The following CCDC138 variants were observed in gnomAD, a reference collection of about 807,000 sequenced individuals.
CCDC138 encodes the protein coiled-coil domain containing 138.
CCDC138 carries 66 observed loss-of-function variants against 82.3 expected under a neutral mutation model. That is an observed-to-expected ratio of 0.80 (90% CI 0.66 to 0.98). CCDC138 has a LOEUF of 0.98. Ranked by LOEUF, CCDC138 falls within the 50% of genes least tolerant of loss-of-function variation. The pLI, the probability that CCDC138 is intolerant of heterozygous loss-of-function variation, is 0.00. For synonymous variants in CCDC138, 297 were observed against 265.4 expected (o/e 1.12, Z -1.16); for missense variants, 816 against 758.9 (o/e 1.08, Z -0.88).
chr2:108,843,873 TGTG>T (rs1558717050), intron 11 of CCDC138, among the ~76,000 whole-genome samples: 890 of 36,782 alleles, frequency 0.024, 13 homozygotes, highest in Middle Eastern at 0.17. Flanking sequence ...TGTGTGTGTG[TGTG>T]TGTTTCTTTC....
At chr2:108,793,830 C>T (rs1223969845) in intron 4 of CCDC138, among the ~76,000 whole-genome samples, 1 of 151,892 alleles carries the variant, frequency 6.6e-6, no homozygotes, top group Non-Finnish European at 1.5e-5. Flanking sequence ...TCTCAATCTC[C>T]TGACCTCATG....
chr2:108,809,306 T>C lies in CCDC138; in HGVS notation c.856-3325T>C, dbSNP rs530057285. 6.6e-5 allele frequency among the ~76,000 whole-genome samples: 10 copies of C among 152,308 alleles called. No individual in the cohort carries two copies. In the East Asian group the frequency reaches 1.7e-3, roughly 26 times the overall value. ...ATCGCTTTCGCTTATTTGGGGTCTTTCATGATTTCATACACAGTTTAGAAT... is the reference window on the plus strand; with the variant it reads ...ATCGCTTTCGCTTATTTGGGGTCTTCCATGATTTCATACACAGTTTAGAAT... On this transcript the variant is annotated intron_variant, in intron 7 of 14. Coordinates refer to ENST00000295124, the MANE Select transcript of CCDC138 (RefSeq NM_144978.3).
In CCDC138 at chr2:108,789,154, A is replaced by G. The variant is rs186535179; in HGVS notation, c.266+188A>G. Among the ~76,000 whole-genome samples the G allele has an allele frequency of 2.6e-5, 4 of 152,384 alleles. No homozygotes were observed. The East Asian group carries it at 7.7e-4, about 29-fold the overall frequency. ...AATTTTTACTGAGAATCTCTGTAATAAAAGCATAGACCTAGCATTATATTT... is the reference window on the plus strand; with the variant it reads ...AATTTTTACTGAGAATCTCTGTAATGAAAGCATAGACCTAGCATTATATTT... On this transcript the variant is annotated intron_variant, in intron 3 of 14. Transcript: ENST00000295124.
chr2:108,866,141 AG>A (rs1694379763), intron 13 of CCDC138, among the ~76,000 whole-genome samples: 1 of 152,190 alleles, frequency 6.6e-6, no homozygotes, highest in Non-Finnish European at 1.5e-5. Flanking sequence ...TTTCACAGAA[AG>A]GGAATTTGGC....
chr2:108,799,363 G>T (rs1681508279), intron 6 of CCDC138, among the ~76,000 whole-genome samples: 1 of 151,988 alleles, frequency 6.6e-6, no homozygotes, highest in African/African-American at 2.4e-5. Flanking sequence ...TATGAGTTTT[G>T]AAAAATGCAT....
At chr2:108,877,582 C>T (rs995388278), downstream of CCDC138, among the ~76,000 whole-genome samples, 18 of 126,784 alleles carry the variant, frequency 1.4e-4, no homozygotes, top group African/African-American at 3.9e-4. Flanking sequence ...AAAGGTGTCT[C>T]GGAACTCAGA....
At chr2:108,788,742 A>T (rs1441220010) in intron 2 of CCDC138, 110 bp from the exon 3 acceptor site, 12 of 1,442,860 alleles carry the variant, frequency 8.3e-6, no homozygotes, top group East Asian at 7.6e-5. Context: ...AGAAAAAAAA[A>T]TTTGAGAGAG....
intron 12 of CCDC138, among the ~76,000 whole-genome samples, chr2:108,853,539 T>C (rs1433989286): frequency 6.6e-6 from 1 of 151,156 alleles, no homozygotes; most frequent in African/African-American, 2.4e-5. Flanking sequence ...TTTTTTTTTT[T>C]TTTGAGAGAT....
At chr2:108,841,208 G>A (rs979736453) in intron 11 of CCDC138, among the ~76,000 whole-genome samples, 5 of 152,112 alleles carry the variant, frequency 3.3e-5, no homozygotes, top group Non-Finnish European at 7.4e-5. Context: ...TATTGTTGAG[G>A]TTGTTTTATG....
chr2:108,817,111 A>T (rs1684928581), intron 10 of CCDC138, among the ~76,000 whole-genome samples: 2 of 152,186 alleles, frequency 1.3e-5, no homozygotes, highest in Admixed American at 1.3e-4. Flanking sequence ...AAAGGGAATT[A>T]AAGTTGTTAA....
chr2:108,848,367 A>G (rs1281733238), intron 12 of CCDC138, among the ~76,000 whole-genome samples: 3 of 152,170 alleles, frequency 2.0e-5, no homozygotes, highest in Non-Finnish European at 4.4e-5. Flanking sequence ...ATGAAGTATG[A>G]ATATTGGGAA....
intron 9 of CCDC138, among the ~76,000 whole-genome samples, chr2:108,814,418 A>G (rs1301439872): frequency 6.6e-6 from 1 of 152,122 alleles, no homozygotes; most frequent in African/African-American, 2.4e-5. Context: ...AAAGGTACAG[A>G]CTTTATATTC....
chr2:108,836,844 C>T (rs747340283), intron 10 of CCDC138, among the ~76,000 whole-genome samples: 13 of 151,646 alleles, frequency 8.6e-5, no homozygotes, highest in Non-Finnish European at 1.2e-4. Flanking sequence ...GAACTGTTTT[C>T]CTAATTTCCT....
At chr2:108,883,354 T>G (rs963768742) in intron 2 of CCDC138, 1 of 152,256 alleles carries the variant, frequency 6.6e-6, no homozygotes. Flanking sequence ...TGTGCACTAT[T>G]TACTGAGCAC....
chr2:108,853,020 A>T (rs904745318), intron 12 of CCDC138, among the ~76,000 whole-genome samples: 1 of 152,236 alleles, frequency 6.6e-6, no homozygotes, highest in Admixed American at 6.5e-5. Flanking sequence ...GCTCACAAAC[A>T]TCACCAAAAT....
At chr2:108,873,705 C>T (rs1490730354) in intron 14 of CCDC138, 116 bp downstream of exon 14, 2 of 632,216 alleles carry the variant, frequency 3.2e-6, no homozygotes, top group Non-Finnish European at 2.6e-6. Flanking sequence ...GAAGAATTGC[C>T]TTGTGCCACA....
chr2:108,854,243 T>C (rs1692252278), intron 12 of CCDC138, among the ~76,000 whole-genome samples: 1 of 150,658 alleles, frequency 6.6e-6, no homozygotes, highest in African/African-American at 2.4e-5. Context: ...TCTAGAGAAA[T>C]GTAGGGAATT....
At chr2:108,870,285 G>A (rs1215886094) in intron 13 of CCDC138, among the ~76,000 whole-genome samples, 5 of 152,094 alleles carry the variant, frequency 3.3e-5, no homozygotes, top group Non-Finnish European at 7.4e-5. Flanking sequence ...TGAACTTGAA[G>A]GCAAGTTATT....
chr2:108,812,661 A>G lies in CCDC138; in HGVS notation c.886A>G (p.Ile296Val), dbSNP rs201961285. The G allele has an allele frequency of 4.1e-5, 66 of 1,613,064 alleles. No individual in the cohort carries two copies. Among genetic ancestry groups the G allele is most frequent in the Non-Finnish European group, 1.1e-5 (13 of 1,179,230 alleles). The change falls in exon 8 of 15, where the codon ATA (isoleucine) becomes GTA (valine). Residue 296 changes from isoleucine (I) to valine (V), a missense_variant. Ile to Val is a conservative substitution (Grantham distance 29). Coordinates refer to ENST00000295124, the MANE Select transcript of CCDC138 (RefSeq NM_144978.3). ...TGAAGCAAGTGAAGAAAACAGGAAG[A>G]TAGACATTCAGGCTAAAAGAGTTCA... ...LNEASEENRK[I>V]DIQAKRVQAR...
Sources: gnomAD v4.1 joint callset for allele counts (sites outside exome capture counted in the v4.1 genomes callset) on GRCh38, gnomAD v4.1.1 for gene constraint, MANE v1.5 for transcripts, NCBI Gene and HGNC (gene_info 2026-07-23, HGNC 2026-07-21) for gene names.